The following LRP1B variants were observed in gnomAD, a reference collection of about 807,000 sequenced individuals.
The protein encoded by LRP1B is LDL receptor related protein 1B.
Under a neutral mutation model 556.6 loss-of-function variants are expected in LRP1B, and 217 were observed. The observed-to-expected ratio is 0.39, with a 90% CI of 0.35 to 0.44. LRP1B has a LOEUF of 0.44. LRP1B is among the 20% of genes least tolerant of loss of function. The probability of loss-of-function intolerance (pLI) is 1.00; values close to 1 mark genes in which losing one functional copy is unlikely to be tolerated. For missense variants in LRP1B, 5,053 were observed against 5,620.8 expected (o/e 0.90, Z 3.23); for synonymous variants, 2,047 against 1,865.8 (o/e 1.10, Z -2.50).
chr2:141,216,128 G>A (rs1430475446), intron 6 of LRP1B, among the ~76,000 whole-genome samples: 1 of 152,194 alleles, frequency 6.6e-6, no homozygotes, highest in Non-Finnish European at 1.5e-5. Context: ...CCAAGGCTCT[G>A]CTGCTCTGCA....
At chr2:140,850,811 C>T (rs1038285861) in intron 28 of LRP1B, among the ~76,000 whole-genome samples, 2 of 152,016 alleles carry the variant, frequency 1.3e-5, no homozygotes, top group Non-Finnish European at 2.9e-5. Flanking sequence ...TAATTTAAAG[C>T]GTGCTTTTAG....
intron 2 of LRP1B, among the ~76,000 whole-genome samples, chr2:141,608,163 G>T (rs1413508322): frequency 1.3e-5 from 2 of 152,146 alleles, no homozygotes; most frequent in Non-Finnish European, 2.9e-5. Flanking sequence ...GGTGGAGGTT[G>T]CAGTGAGCCG....
intron 1 of LRP1B, among the ~76,000 whole-genome samples, chr2:141,979,365 A>G (rs1416661113): frequency 6.6e-6 from 1 of 152,116 alleles, no homozygotes; most frequent in Non-Finnish European, 1.5e-5. Context: ...GTGTAGTAAG[A>G]TGACACTACC....
chr2:140,311,490 T>C (rs1473445759), intron 83 of LRP1B, among the ~76,000 whole-genome samples: 5 of 151,812 alleles, frequency 3.3e-5, no homozygotes, highest in Non-Finnish European at 5.9e-5. Flanking sequence ...CACGTAGACA[T>C]GTTGTGGAAT....
intron 2 of LRP1B, among the ~76,000 whole-genome samples, chr2:141,701,993 A>G (rs13412600): frequency 0.36 from 54,619 of 151,776 alleles, 10,366 homozygotes; most frequent in East Asian, 0.59. Context: ...TATGCTATTT[A>G]TTTTCAAACC....
intron 2 of LRP1B, among the ~76,000 whole-genome samples, chr2:141,644,693 T>C (rs1267758671): frequency 6.6e-6 from 1 of 150,596 alleles, no homozygotes; most frequent in Non-Finnish European, 1.5e-5. Context: ...CCAGAGTCAG[T>C]AGAATATGGT....
intron 7 of LRP1B, among the ~76,000 whole-genome samples, chr2:141,124,879 T>C (rs1194108798): frequency 6.6e-6 from 1 of 152,124 alleles, no homozygotes. Context: ...ATGGATTGTA[T>C]GCATATATAC....
At chr2:141,416,572 A>G (rs927903843) in intron 3 of LRP1B, among the ~76,000 whole-genome samples, 7 of 148,276 alleles carry the variant, frequency 4.7e-5, no homozygotes, top group Non-Finnish European at 8.9e-5. Context: ...TCCTGCCTCT[A>G]CCTCCTGAGT....
At chr2:140,521,121 A>G (rs913117317) in intron 49 of LRP1B, among the ~76,000 whole-genome samples, 3 of 152,116 alleles carry the variant, frequency 2.0e-5, no homozygotes, top group African/African-American at 7.2e-5. Context: ...CTTAGAAAAC[A>G]TATTTGATGG....
chr2:141,771,746 A>C (rs992956740), intron 2 of LRP1B, among the ~76,000 whole-genome samples: 1 of 152,162 alleles, frequency 6.6e-6, no homozygotes, highest in Non-Finnish European at 1.5e-5. Context: ...GAGCTCTTAC[A>C]AAAGGAATTG....
chr2:140,371,040 A>G (rs1682971044), intron 70 of LRP1B, 139 bp downstream of exon 70: 8 of 789,602 alleles, frequency 1.0e-5, no homozygotes. Flanking sequence ...TATTTGCTGA[A>G]ATGATTGCAT....
chr2:140,822,968 T>C (rs1573765821), intron 31 of LRP1B, among the ~76,000 whole-genome samples: 1 of 152,316 alleles, frequency 6.6e-6, no homozygotes, highest in African/African-American at 2.4e-5. Flanking sequence ...ATGCAAAGCA[T>C]TTTGAAAGTG....
intron 47 of LRP1B, among the ~76,000 whole-genome samples, chr2:140,533,528 A>G (rs1318462342): frequency 6.6e-6 from 1 of 152,120 alleles, no homozygotes; most frequent in African/African-American, 2.4e-5. Context: ...GAAACCAGGT[A>G]AAGGCATACT....
intron 7 of LRP1B, among the ~76,000 whole-genome samples, chr2:141,150,984 C>G (rs888439541): frequency 5.3e-5 from 8 of 151,142 alleles, no homozygotes; most frequent in African/African-American, 1.9e-4. Context: ...GTCATTAAGT[C>G]ATTCACAGAT....
chr2:142,121,922 G>A (rs990122964), intron 1 of LRP1B, among the ~76,000 whole-genome samples: 1 of 152,012 alleles, frequency 6.6e-6, no homozygotes, highest in Non-Finnish European at 1.5e-5. Context: ...TGAATGAAAA[G>A]CGAAGGTATG....
chr2:140,522,711 A>G (rs770482570), intron 49 of LRP1B, among the ~76,000 whole-genome samples: 49 of 151,930 alleles, frequency 3.2e-4, no homozygotes, highest in Non-Finnish European at 5.2e-4. Flanking sequence ...AAACAAGCAC[A>G]ATCAGAAATG....
At chr2:141,313,293 A>G (rs1686881095) in intron 3 of LRP1B, among the ~76,000 whole-genome samples, 1 of 152,080 alleles carries the variant, frequency 6.6e-6, no homozygotes, top group South Asian at 2.1e-4. Context: ...CTAAAATGTG[A>G]CACATTTAAG....
chr2:141,377,033 A>G (rs1256938761), intron 3 of LRP1B, among the ~76,000 whole-genome samples: 1 of 152,126 alleles, frequency 6.6e-6, no homozygotes, highest in Non-Finnish European at 1.5e-5. Context: ...CTAAGTTGTG[A>G]ACTCTCAAAA....
intron 86 of LRP1B, among the ~76,000 whole-genome samples, chr2:140,260,160 G>A (rs915404010): frequency 6.6e-6 from 1 of 151,704 alleles, no homozygotes; most frequent in African/African-American, 2.4e-5. Flanking sequence ...TCTTGCTATG[G>A]GCAAGAAGCA....
Sources: gnomAD v4.1 joint callset for allele counts (sites outside exome capture counted in the v4.1 genomes callset) on GRCh38, gnomAD v4.1.1 for gene constraint, MANE v1.5 for transcripts, NCBI Gene and HGNC (gene_info 2026-07-23, HGNC 2026-07-21) for gene names.